Variants in MTM1 observed in about 807,000 individuals in gnomAD.
MTM1 encodes the protein myotubularin 1.
A neutral mutation model predicts 52.1 loss-of-function variants in MTM1; 9 were observed. The observed-to-expected ratio is 0.17, with a 90% CI of 0.10 to 0.30. The LOEUF (loss-of-function observed/expected upper bound fraction) is 0.30. Among genes scored for constraint, MTM1 ranks in the 10% least tolerant of loss-of-function variants. The pLI is 1.00. For synonymous variants in MTM1, 136 were observed against 163.8 expected (o/e 0.83, Z 1.29); for missense variants, 277 against 470.7 (o/e 0.59, Z 3.81).
chrX:150,594,192 C>T (rs782446114), intron 2 of MTM1, among the ~76,000 whole-genome samples: 2 of 108,443 alleles, frequency 1.8e-5, no homozygotes, highest in South Asian at 8.3e-4. Context: ...TCACTGCAAC[C>T]TCTGCCTCTT....
chrX:150,634,386 T>C (rs1557413650), intron 6 of MTM1, among the ~76,000 whole-genome samples: 2 of 112,239 alleles, frequency 1.8e-5, no homozygotes. Flanking sequence ...TAATGGCTAA[T>C]TAAGTGAAAG....
chrX:150,596,636 AG>A, intron 3 of MTM1, 66 bp downstream of exon 3: 3 of 909,533 alleles, frequency 3.3e-6, no homozygotes, highest in Non-Finnish European at 4.8e-6. Flanking sequence ...AGGTGGCTTC[AG>A]TCCCGCTTAC....
In MTM1 at chrX:150,657,907, C is replaced by T; in HGVS notation, c.1140C>T (p.Asp380=). The change falls in exon 11 of 15, where the codon GAC becomes GAT. Residue 380 remains aspartate, a synonymous_variant. Coordinates refer to ENST00000370396, the MANE Select transcript of MTM1 (RefSeq NM_000252.3). ...SVLVHCSDGW[D]RTAQLTSLAM... is the part of the protein sequence containing the mutation. ...TTGTGCATTGCAGTGACGGATGGGA[C>T]AGGACTGCTCAGCTGACATCCTTGG... 8.3e-7 allele frequency: 1 copy of T among 1,210,992 alleles called. No homozygotes were observed.
intron 10 of MTM1, among the ~76,000 whole-genome samples, chrX:150,652,040 AAGAG>A (rs781886549): frequency 8.1e-5 from 9 of 111,130 alleles, no homozygotes; most frequent in African/African-American, 1.6e-4. Context: ...TTCTTTTAAT[AAGAG>A]AGAGAGTTAA....
chrX:150,640,109 T>G (rs898655882), intron 7 of MTM1, among the ~76,000 whole-genome samples: 6 of 111,767 alleles, frequency 5.4e-5, no homozygotes, highest in Non-Finnish European at 1.1e-4. Context: ...TGGCCTCAGT[T>G]CTGGACTAGC....
At chrX:150,611,098 G>C (rs1475811448) in intron 4 of MTM1, among the ~76,000 whole-genome samples, 1 of 111,357 alleles carries the variant, frequency 9.0e-6, no homozygotes, top group South Asian at 3.7e-4. Context: ...TTCTCTTTGG[G>C]CATTTAGGTT....
At chrX:150,599,582 G>C (rs868980236) in intron 4 of MTM1, among the ~76,000 whole-genome samples, 1 of 112,187 alleles carries the variant, frequency 8.9e-6, no homozygotes, top group Non-Finnish European at 1.9e-5. Flanking sequence ...TTTTAGGACA[G>C]TTCTAATCTA....
At chrX:150,638,093 G>A (rs1557413737) in intron 6 of MTM1, among the ~76,000 whole-genome samples, 1 of 112,297 alleles carries the variant, frequency 8.9e-6, no homozygotes, top group Non-Finnish European at 1.9e-5. Flanking sequence ...TAGCCACGTG[G>A]TGACAAAGAT....
At chrX:150,575,325 A>T (rs2038451384) in intron 1 of MTM1, among the ~76,000 whole-genome samples, 1 of 112,471 alleles carries the variant, frequency 8.9e-6, no homozygotes, top group East Asian at 2.8e-4. Context: ...TGCCCTGGGC[A>T]TCGCCCACAG....
chrX:150,643,859 A>G (rs73620653), intron 8 of MTM1, among the ~76,000 whole-genome samples: 3,753 of 111,991 alleles, frequency 0.034, 153 homozygotes, highest in African/African-American at 0.11. Context: ...ACAGTGCCAT[A>G]TACTGTAAAA....
rs375301020 is a variant in MTM1 at position 150,645,850 on chromosome X, C to T, written c.846C>T (p.Ser282=). 1.2e-5 allele frequency: 15 copies of T among 1,208,977 alleles called. No individual in the cohort carries two copies. Among genetic ancestry groups the T allele is most frequent in the East Asian group, 3.0e-5 (1 of 33,770 alleles). The change falls in exon 9 of 15, where the codon AGC becomes AGT. Residue 282 remains serine (S), a synonymous_variant. Coordinates refer to ENST00000370396, the MANE Select transcript of MTM1 (RefSeq NM_000252.3). ...TCACCATTTATGATGCAAGACCCAGCGTAAATGCAGTGGCCAACAAGGTGA... is the reference window on the plus strand; with the variant it reads ...TCACCATTTATGATGCAAGACCCAGTGTAAATGCAGTGGCCAACAAGGTGA... ...SKLTIYDARP[S]VNAVANKATG...
Position 150,593,644 on chromosome X carries a change from T to C in MTM1, c.63+967T>C, listed in dbSNP as rs181809599. 4.6e-3 allele frequency among the ~76,000 whole-genome samples: 512 copies of C among 111,927 alleles called. 4 individuals carry two copies. The highest frequency in any genetic ancestry group is 6.4e-3 in the Non-Finnish European group (341 of 53,183). Reference sequence around the variant, plus strand: ...TGATCTTTTCATTGGTATTTCTTGATTACTAATGAGGTTAACCTTTTTTAA... The same window carrying C: ...TGATCTTTTCATTGGTATTTCTTGACTACTAATGAGGTTAACCTTTTTTAA... On this transcript the variant is annotated intron_variant, in intron 2 of 14. Coordinates refer to ENST00000370396, the MANE Select transcript of MTM1 (RefSeq NM_000252.3).
At chrX:150,661,266 C>T (rs1360244562) in intron 13 of MTM1, among the ~76,000 whole-genome samples, 1 of 111,050 alleles carries the variant, frequency 9.0e-6, no homozygotes, top group Non-Finnish European at 1.9e-5. Context: ...TCAAGTGATC[C>T]ACCCGCCTCA....
chrX:150,566,934 G>T (rs2038270478), upstream of MTM1, among the ~76,000 whole-genome samples: 1 of 111,843 alleles, frequency 8.9e-6, no homozygotes, highest in African/African-American at 3.3e-5. Flanking sequence ...TTGAAATTCA[G>T]CACAAAAGTG....
chrX:150,608,735 TG>T (rs1557412891), intron 4 of MTM1, among the ~76,000 whole-genome samples: 16 of 111,357 alleles, frequency 1.4e-4, no homozygotes, highest in African/African-American at 5.2e-4. Flanking sequence ...AGTAGATCTC[TG>T]GAACTTACTC....
At chrX:150,583,283 A>ATTTATATAATTTATATAAAT (rs1569565310) in intron 1 of MTM1, among the ~76,000 whole-genome samples, 1 of 59,654 alleles carries the variant, frequency 1.7e-5, no homozygotes, top group Non-Finnish European at 2.7e-5. Flanking sequence ...TAAATTATAA[A>ATTTATATAATTTATATAAAT]TATATATAAA....
At chrX:150,597,003 G>A (rs181941469) in intron 3 of MTM1, 126 of 126,160 alleles carry the variant, frequency 1.0e-3, no homozygotes, top group Admixed American at 3.7e-3. Context: ...TCTTTCATTC[G>A]TCAGAAAATG....
intron 7 of MTM1, among the ~76,000 whole-genome samples, chrX:150,639,563 C>G (rs1403314279): frequency 1.8e-5 from 2 of 112,171 alleles, no homozygotes; most frequent in Non-Finnish European, 3.8e-5. Flanking sequence ...CACCTACATG[C>G]ATGTTTATTT....
intron 4 of MTM1, among the ~76,000 whole-genome samples, chrX:150,611,802 C>T (rs1391342118): frequency 2.7e-5 from 3 of 112,192 alleles, no homozygotes; most frequent in African/African-American, 9.7e-5. Flanking sequence ...TATCCCTCCC[C>T]TCAACCTCTG....
Sources: gnomAD v4.1 joint callset for allele counts (sites outside exome capture counted in the v4.1 genomes callset) on GRCh38, gnomAD v4.1.1 for gene constraint, MANE v1.5 for transcripts, NCBI Gene and HGNC (gene_info 2026-07-23, HGNC 2026-07-21) for gene names.